Variants in ARSB observed in about 807,000 individuals in gnomAD.
ARSB encodes the protein arylsulfatase B.
A neutral mutation model predicts 50.9 loss-of-function variants in ARSB; 41 were observed. The observed-to-expected ratio is 0.81, with a 90% CI of 0.63 to 1.04. The LOEUF (loss-of-function observed/expected upper bound fraction) is 1.04, where lower values mean the gene tolerates loss of function less well. Ranked by LOEUF, ARSB falls within the 50% of genes least tolerant of loss-of-function variation. The pLI is 0.00. For missense variants in ARSB, 672 were observed against 693.3 expected, an observed-to-expected ratio of 0.97 and a Z score of 0.35; for synonymous variants, 269 against 284.8, an observed-to-expected ratio of 0.94 and a Z score of 0.56.
At chr5:78,980,025 T>C (rs1344441654) in intron 1 of ARSB, among the ~76,000 whole-genome samples, 2 of 152,222 alleles carry the variant, frequency 1.3e-5, no homozygotes, top group Admixed American at 6.5e-5. Context: ...ATTCCATTTA[T>C]ATGAAATGTC....
chr5:78,975,823 T>C (rs1193816271), intron 1 of ARSB, among the ~76,000 whole-genome samples: 1 of 152,200 alleles, frequency 6.6e-6, no homozygotes, highest in African/African-American at 2.4e-5. Context: ...TGAGTGCTTC[T>C]TTAGCCCAGA....
At chr5:78,887,037 G>A (rs1748069824) in intron 4 of ARSB, among the ~76,000 whole-genome samples, 2 of 152,192 alleles carry the variant, frequency 1.3e-5, no homozygotes, top group Non-Finnish European at 2.9e-5. Flanking sequence ...TGTGTGGCCA[G>A]GGGTGATATA....
Position 78,979,779 on chromosome 5 carries a change from C to T in ARSB, c.312+5158G>A, listed in dbSNP as rs116823335. 9.0e-3 allele frequency among the ~76,000 whole-genome samples: 1,376 copies of T among 152,310 alleles called. 18 individuals carry two copies. The highest frequency in any genetic ancestry group is 0.032 in the African/African-American group (1,312 of 41,556). ...ACTAAGGAGAAGTCCTGCAACAATA[C>T]GGCGTTTCACTCCTACATATTAACC... On this transcript the variant is annotated intron_variant, in intron 1 of 7. Transcript: ENST00000264914.
intron 4 of ARSB, among the ~76,000 whole-genome samples, chr5:78,937,394 T>C (rs538313752): frequency 3.9e-4 from 57 of 144,800 alleles, no homozygotes; most frequent in Non-Finnish European, 8.0e-4. Context: ...ATATCATATA[T>C]ATGTAAGATA....
chr5:78,985,318 T>C (rs2112584494), upstream of ARSB: 1 of 1,213,286 alleles, frequency 8.2e-7, no homozygotes, highest in East Asian at 3.3e-5. Context: ...AATGAGGAAC[T>C]GGGCTGCCGG....
intron 7 of ARSB, among the ~76,000 whole-genome samples, 199 bp from the exon 8 acceptor site, chr5:78,780,861 G>A (rs888981527): frequency 5.3e-5 from 8 of 152,156 alleles, no homozygotes; most frequent in Non-Finnish European, 1.2e-4. Context: ...TGCTTCACAA[G>A]CAAGGACACC....
intron 5 of ARSB, among the ~76,000 whole-genome samples, chr5:78,881,001 G>T (rs546135526): frequency 2.0e-5 from 3 of 152,162 alleles, no homozygotes; most frequent in Non-Finnish European, 4.4e-5. Flanking sequence ...GGAGGCCAAG[G>T]CAGGTGGATC....
intron 1 of ARSB, among the ~76,000 whole-genome samples, chr5:78,973,763 G>A (rs1014361439): frequency 5.9e-5 from 9 of 152,164 alleles, no homozygotes; most frequent in Admixed American, 1.3e-4. Flanking sequence ...CACAGAAGGC[G>A]ATAGATGCTC....
intron 5 of ARSB, among the ~76,000 whole-genome samples, chr5:78,861,031 C>T (rs1163491539): frequency 3.9e-5 from 6 of 152,030 alleles, no homozygotes; most frequent in Non-Finnish European, 8.8e-5. Context: ...ATAAATTCCT[C>T]GACACACACA....
intron 4 of ARSB, among the ~76,000 whole-genome samples, chr5:78,940,288 A>G (rs1750846218): frequency 6.6e-6 from 1 of 152,174 alleles, no homozygotes; most frequent in Non-Finnish European, 1.5e-5. Flanking sequence ...TAGTTTAATT[A>G]GATCCCATTT....
At chr5:78,979,854 C>T (rs1237586367) in intron 1 of ARSB, among the ~76,000 whole-genome samples, 1 of 152,140 alleles carries the variant, frequency 6.6e-6, no homozygotes, top group African/African-American at 2.4e-5. Context: ...CATGGATGTT[C>T]ACAGCAGCAT....
intron 5 of ARSB, among the ~76,000 whole-genome samples, chr5:78,874,135 G>A (rs74899173): frequency 5.2e-4 from 79 of 152,222 alleles, no homozygotes; most frequent in African/African-American, 1.7e-3. Context: ...CGGTTGAGCT[G>A]GTGTTCAATT....
At position 78,921,369 on chromosome 5, in the gene ARSB, CGT is replaced by C. The variant is rs376298282; in HGVS notation, c.898+33924_898+33925del. Among the ~76,000 whole-genome samples the C allele has an allele frequency of 6.5e-4, 97 of 148,994 alleles. No individual in the cohort carries two copies. In the South Asian group the frequency reaches 9.7e-3, roughly 15 times the overall value. On this transcript the variant is annotated intron_variant, in intron 4 of 7. Transcript: ENST00000264914. Reference sequence around the variant, plus strand: ...AGTATAAAATACACAACAGACTGTGCGTGTGTGTGTGTGTATACACACACATA... The same window carrying C: ...AGTATAAAATACACAACAGACTGTGCGTGTGTGTGTGTATACACACACATA...
intron 4 of ARSB, among the ~76,000 whole-genome samples, chr5:78,942,697 C>T (rs1170716283): frequency 6.6e-6 from 1 of 152,118 alleles, no homozygotes; most frequent in Non-Finnish European, 1.5e-5. Context: ...GCTTTACTTC[C>T]AACTATGTGG....
intron 5 of ARSB, among the ~76,000 whole-genome samples, chr5:78,872,887 G>A (rs550620657): frequency 9.6e-4 from 145 of 150,496 alleles, no homozygotes; most frequent in Admixed American, 2.3e-3. Flanking sequence ...AATACACAGC[G>A]CTCTTGAAGC....
At chr5:78,884,673 A>C (rs1302976241) in intron 5 of ARSB, 1 of 152,210 alleles carries the variant, frequency 6.6e-6, no homozygotes, top group Non-Finnish European at 1.5e-5. Flanking sequence ...CAATATATGC[A>C]TATTTATTTA....
chr5:78,972,614 C>A (rs532829941), intron 1 of ARSB, among the ~76,000 whole-genome samples: 98 of 152,028 alleles, frequency 6.4e-4, no homozygotes, highest in Middle Eastern at 3.4e-3. Flanking sequence ...CCCTAGGACT[C>A]AAAAACTTCA....
chr5:78,922,980 G>A (rs1442363889), intron 4 of ARSB, among the ~76,000 whole-genome samples: 1 of 152,148 alleles, frequency 6.6e-6, no homozygotes, highest in Non-Finnish European at 1.5e-5. Flanking sequence ...GTCAGGACAA[G>A]GGAGTCAGTA....
chr5:78,967,232 C>T (rs899870270), intron 2 of ARSB, among the ~76,000 whole-genome samples: 4 of 152,178 alleles, frequency 2.6e-5, no homozygotes, highest in Non-Finnish European at 4.4e-5. Context: ...TCCACCTTAC[C>T]TTCTCCTTCT....
Sources: allele counts gnomAD v4.1 joint callset (sites outside exome capture counted in the v4.1 genomes callset), GRCh38; gene constraint gnomAD v4.1.1; transcripts MANE v1.5; gene names NCBI Gene and HGNC (gene_info 2026-07-23, HGNC 2026-07-21).